LZTS1: variants seen among roughly 807,000 people sequenced by gnomAD.
LZTS1 encodes leucine zipper tumor suppressor 1, also known as leucine zipper putative tumor suppressor 1.
LZTS1 carries 31 observed loss-of-function variants against 45.8 expected under a neutral mutation model. That is an observed-to-expected ratio of 0.68 (90% confidence interval 0.51 to 0.91). The LOEUF is 0.91. Among genes scored for constraint, LZTS1 ranks in the 40% least tolerant of loss-of-function variants. The pLI, the probability that LZTS1 is intolerant of heterozygous loss-of-function variation, is 0.00. For synonymous variants in LZTS1, 359 were observed against 357.3 expected (o/e 1.00, Z -0.05); for missense variants, 821 against 788.9 (o/e 1.04, Z -0.49).
chr8:20,280,868 G>A (rs142431668), intron 1 of LZTS1, among the ~76,000 whole-genome samples: 6 of 152,164 alleles, frequency 3.9e-5, no homozygotes, highest in South Asian at 2.1e-4. Flanking sequence ...CTAAAAAACC[G>A]CTCACAAGTA....
intron 1 of LZTS1, among the ~76,000 whole-genome samples, chr8:20,284,576 A>G (rs1332516349): frequency 6.6e-6 from 1 of 152,034 alleles, no homozygotes; most frequent in South Asian, 2.1e-4. Context: ...AGCCCAAGAG[A>G]GTGTTCTTCA....
intron 1 of LZTS1, among the ~76,000 whole-genome samples, chr8:20,291,777 G>A (rs1424625419): frequency 6.6e-6 from 1 of 152,232 alleles, no homozygotes; most frequent in African/African-American, 2.4e-5. Context: ...CTTGCCTGAT[G>A]TCACACAGCT....
Position 20,255,206 on chromosome 8 carries a change from C to T in LZTS1, c.-25G>A. ...TGGTGACTCGGGGCTGAGGATGGGG[C>T]AGGGCCGGGCAGGGTCTTGGAAAGG... On this transcript the variant is annotated 5_prime_UTR_variant, in exon 2 of 4. Coordinates refer to ENST00000381569, the MANE Select transcript of LZTS1 (RefSeq NM_021020.5). 2.5e-6 allele frequency: 4 copies of T among 1,590,066 alleles called. No individual in the cohort carries two copies. The highest frequency in any genetic ancestry group is 3.4e-6 in the Non-Finnish European group (4 of 1,169,350).
chr8:20,260,301 T>C (rs11784323), intron 1 of LZTS1, among the ~76,000 whole-genome samples: 42,410 of 152,090 alleles, frequency 0.28, 6,402 homozygotes, highest in East Asian at 0.43. Context: ...TAATCTCAGC[T>C]CACTGCAAAT....
chr8:20,276,560 C>G (rs1800587287), intron 1 of LZTS1, among the ~76,000 whole-genome samples: 1 of 152,226 alleles, frequency 6.6e-6, no homozygotes, highest in Admixed American at 6.5e-5. Context: ...CTGCCTTTCT[C>G]TACGCATCTC....
rs1484857981 is a variant in LZTS1 at position 20,253,148 on chromosome 8, G to A, written c.783C>T (p.Cys261=). 1.9e-6 allele frequency: 3 copies of A among 1,613,218 alleles called. No homozygotes were observed. The highest frequency in any genetic ancestry group is 2.5e-6 in the Non-Finnish European group (3 of 1,180,022). ...GCTTCTGCTCCAGCTCCTGGATGCT[G>A]CACTCGTCCGTGGAGATGGGGGAGC... ...CVRSPISTDE[C]SIQELEQKLL... Residue 261 remains cysteine, a synonymous_variant, in exon 3 of 4, where the codon TGC becomes TGT. Coordinates refer to ENST00000381569, the MANE Select transcript of LZTS1 (RefSeq NM_021020.5).
intron 1 of LZTS1, among the ~76,000 whole-genome samples, chr8:20,256,745 T>C (rs967213365): frequency 2.6e-5 from 4 of 152,098 alleles, no homozygotes; most frequent in Non-Finnish European, 4.4e-5. Context: ...GTTGAAGACA[T>C]TCAGTTTGCA....
rs3832554 is a variant in LZTS1, at chr8:20,247,347, T to TG, written c.*2374dup. The TG allele has an allele frequency of 0.017, 2,463 of 141,484 alleles. 64 individuals carry two copies. The highest frequency in any genetic ancestry group is 0.054 in the South Asian group (238 of 4,406). 8.8% of individuals were successfully genotyped at this position (141,484 alleles called of 1,614,324 possible). A position where few individuals can be genotyped will look rare whatever the true frequency, so the allele number is the denominator to read the frequency against. On this transcript the variant is annotated 3_prime_UTR_variant, in exon 4 of 4. Coordinates refer to ENST00000381569, the MANE Select transcript of LZTS1 (RefSeq NM_021020.5). ...GACTCTGACTGCTCTTTCCTGGAGT[T>TG]GGGGGGGGGTCTCCAGCCTGGGGAG...
At chr8:20,299,721 G>C (rs1340197583) in intron 1 of LZTS1, among the ~76,000 whole-genome samples, 2 of 151,890 alleles carry the variant, frequency 1.3e-5, no homozygotes, top group Non-Finnish European at 2.9e-5. Context: ...AGAATCACTT[G>C]ACTGCGTCGC....
chr8:20,296,004 G>A (rs1800973019), intron 1 of LZTS1, among the ~76,000 whole-genome samples: 1 of 152,156 alleles, frequency 6.6e-6, no homozygotes, highest in African/African-American at 2.4e-5. Flanking sequence ...CTTTACAGCA[G>A]GAATATAATG....
chr8:20,257,735 T>C (rs1377262694), intron 1 of LZTS1, among the ~76,000 whole-genome samples: 1 of 150,964 alleles, frequency 6.6e-6, no homozygotes, highest in Non-Finnish European at 1.5e-5. Context: ...AGTGGCATGA[T>C]CTTGGCTCAC....
chr8:20,262,402 C>G (rs1196359193), intron 1 of LZTS1, among the ~76,000 whole-genome samples: 1 of 152,058 alleles, frequency 6.6e-6, no homozygotes, highest in Non-Finnish European at 1.5e-5. Context: ...GCCAGAGAGA[C>G]AGGGAGGACA....
intron 1 of LZTS1, among the ~76,000 whole-genome samples, chr8:20,291,626 T>C (rs1289549751): frequency 6.7e-6 from 1 of 150,214 alleles, no homozygotes; most frequent in East Asian, 2.0e-4. Flanking sequence ...CATCTGCGAT[T>C]GAGCACCCTT....
chr8:20,301,636 G>A (rs561893719), intron 1 of LZTS1, among the ~76,000 whole-genome samples: 21 of 152,194 alleles, frequency 1.4e-4, no homozygotes, highest in South Asian at 8.3e-4. Context: ...ATTTATATAC[G>A]TCTGGAGCCC....
At chr8:20,261,883 C>T (rs1326914630) in intron 1 of LZTS1, among the ~76,000 whole-genome samples, 1 of 152,206 alleles carries the variant, frequency 6.6e-6, no homozygotes, top group East Asian at 1.9e-4. Context: ...CAGCCTCCAG[C>T]CACCCCGCCT....
In LZTS1 at chr8:20,254,447, C is replaced by T. The variant is rs370009669; in HGVS notation, c.345+390G>A. 3.9e-4 allele frequency among the ~76,000 whole-genome samples: 59 copies of T among 152,354 alleles called. 1 individual carries two copies. In the South Asian group the frequency reaches 9.3e-3, roughly 24 times the overall value. On this transcript the variant is annotated intron_variant, in intron 2 of 3. Coordinates refer to ENST00000381569, the MANE Select transcript of LZTS1 (RefSeq NM_021020.5). ...GTCTCCCGGGGAGAGAAGCGGTTAA[C>T]TCCCGGCCTGCATCCTCTTCATCTG...
rs969939831 is a variant in LZTS1, at chr8:20,303,805, C to A, written c.-200G>T. On this transcript the variant is annotated 5_prime_UTR_variant, in exon 1 of 4. Transcript: ENST00000381569. ...TTCCCAGTGTTTCCCGGTGTGTTCC[C>A]GTCTCTCTTTTTCCAGAGCTGCTGA... The A allele has an allele frequency of 3.0e-6, 3 of 984,420 alleles. No homozygotes were observed. Among genetic ancestry groups the A allele is most frequent in the Non-Finnish European group, 3.6e-6 (3 of 829,754 alleles). 61.0% of individuals were successfully genotyped at this position (984,420 alleles called of 1,614,324 possible). A position where few individuals can be genotyped will look rare whatever the true frequency, so the allele number is the denominator to read the frequency against.
Position 20,246,483 on chromosome 8 carries a change from G to C in LZTS1, c.*3239C>G, listed in dbSNP as rs1445401148. On this transcript the variant is annotated 3_prime_UTR_variant, in exon 4 of 4. Coordinates refer to ENST00000381569, the MANE Select transcript of LZTS1 (RefSeq NM_021020.5). ...GGCAGCACCCACCGCATGATGGCTT[G>C]AGGTCTGCAGGGAAATCCCTCTCCC... is the stretch of plus-strand genomic sequence containing the variant. 1 of 152,364 alleles carries C rather than the reference G, an allele frequency of 6.6e-6. No individual in the cohort carries two copies. The highest frequency in any genetic ancestry group is 2.4e-5 in the African/African-American group (1 of 41,450). The allele number at this position is 152,364 out of a possible 1,614,324, so 9.4% of individuals were successfully genotyped here.
chr8:20,296,378 C>T (rs2128899602), intron 1 of LZTS1, among the ~76,000 whole-genome samples: 1 of 152,364 alleles, frequency 6.6e-6, no homozygotes, highest in Non-Finnish European at 1.5e-5. Context: ...TTGTACCCCT[C>T]TTAGGCTGAA....
Sources: gnomAD v4.1 joint callset for allele counts (sites outside exome capture counted in the v4.1 genomes callset) on GRCh38, gnomAD v4.1.1 for gene constraint, MANE v1.5 for transcripts, NCBI Gene and HGNC (gene_info 2026-07-23, HGNC 2026-07-21) for gene names.